Variants in GRIN2D observed in about 807,000 individuals in gnomAD.
GRIN2D encodes glutamate ionotropic receptor NMDA type subunit 2D.
In GRIN2D, 37 loss-of-function variants were observed where a neutral mutation model predicts 103.2. That is an observed-to-expected ratio of 0.36 (90% confidence interval 0.28 to 0.47). GRIN2D has a LOEUF of 0.47. Among genes scored for constraint, GRIN2D ranks in the 20% least tolerant of loss-of-function variants. The pLI is 1.00. For synonymous variants in GRIN2D, 845 were observed against 885.6 expected, an observed-to-expected ratio of 0.95 and a Z score of 0.81; for missense variants, 1,557 against 1,910.6, an observed-to-expected ratio of 0.81 and a Z score of 3.45.
Position 48,398,789 on chromosome 19 carries a change from C to A in GRIN2D, c.397C>A (p.Leu133Met). The change falls in exon 3 of 14, where the codon CTG becomes ATG. Residue 133 changes from leucine to methionine, a missense_variant. Physicochemically the swap from Leu to Met is conservative, Grantham distance 15. Transcript: ENST00000263269. ...APAVAPILDF[L>M]SAQTSLPIVA... ...CGCCGTCGCGCCCATCCTCGACTTC[C>A]TGTCGGCGCAGACCTCGCTGCCCAT... 1 of 1,459,602 alleles carries A rather than the reference C, an allele frequency of 6.9e-7. No homozygotes were observed. 90.4% of individuals were successfully genotyped at this position (1,459,602 alleles called of 1,614,324 possible).
chr19:48,395,855 A>AC (rs1970633474), intron 2 of GRIN2D, among the ~76,000 whole-genome samples: 1 of 151,678 alleles, frequency 6.6e-6, no homozygotes, highest in Non-Finnish European at 1.5e-5. Context: ...GGAGCTGGGG[A>AC]CCTGGACTCT....
chr19:48,404,859 C>T lies in GRIN2D; in HGVS notation c.591C>T (p.His197=). Residue 197 remains histidine (H), a synonymous_variant, in exon 4 of 14, where the codon CAC becomes CAT. Coordinates refer to ENST00000263269, the MANE Select transcript of GRIN2D (RefSeq NM_000836.4). ...FVAVTTRAPG[H]RAFLSYIEVL... ...CCGTGACCACTCGTGCCCCTGGCCACCGGGCCTTCCTGTCCTACATTGAGG... is the reference window on the plus strand; with the variant it reads ...CCGTGACCACTCGTGCCCCTGGCCATCGGGCCTTCCTGTCCTACATTGAGG... 1 of 1,614,224 alleles carries T rather than the reference C, an allele frequency of 6.2e-7. No homozygotes were observed. Among genetic ancestry groups the T allele is most frequent in the Middle Eastern group, 1.6e-4 (1 of 6,062 alleles).
intron 3 of GRIN2D, among the ~76,000 whole-genome samples, chr19:48,402,791 AG>A (rs1428562626): frequency 3.4e-5 from 5 of 148,964 alleles, no homozygotes; most frequent in African/African-American, 1.2e-4. Flanking sequence ...AGAGAGAGAG[AG>A]AGAGAGAGAG....
In GRIN2D at chr19:48,437,079, C is replaced by T. The variant is rs566319623; in HGVS notation, c.2253-4690C>T. 8.5e-5 allele frequency among the ~76,000 whole-genome samples: 13 copies of T among 152,274 alleles called. No homozygotes were observed. In the South Asian group the frequency reaches 2.7e-3, roughly 32 times the overall value. ...GGAATTTTAATTTTTCCCCAACCTA[C>T]ACCCAAACAAAGGCTGTAGGAAATG... On this transcript the variant is annotated intron_variant, in intron 11 of 13. Transcript: ENST00000263269.
chr19:48,395,305 C>T (rs1970625296), intron 2 of GRIN2D, among the ~76,000 whole-genome samples: 1 of 151,616 alleles, frequency 6.6e-6, no homozygotes. Flanking sequence ...CGGTCCTCTC[C>T]CTCTCTCCTC....
At chr19:48,425,531 C>T (rs1238042406) in intron 11 of GRIN2D, among the ~76,000 whole-genome samples, 1 of 152,200 alleles carries the variant, frequency 6.6e-6, no homozygotes, top group African/African-American at 2.4e-5. Flanking sequence ...CGTGAGCCAC[C>T]GTATCCAGCG....
chr19:48,409,274 C>CTTTTTT (rs67673123), intron 4 of GRIN2D, among the ~76,000 whole-genome samples: 11 of 103,702 alleles, frequency 1.1e-4, no homozygotes, highest in Non-Finnish European at 1.7e-4. Flanking sequence ...AATTAAATTT[C>CTTTTTT]TTTTTTTTTT....
intron 10 of GRIN2D, among the ~76,000 whole-genome samples, 157 bp downstream of exon 10, chr19:48,419,971 T>G: frequency 6.6e-6 from 1 of 150,942 alleles, no homozygotes. Flanking sequence ...AATTCCAGAA[T>G]GGTAGAATGG....
At chr19:48,402,791 A>T (rs1374026589) in intron 3 of GRIN2D, among the ~76,000 whole-genome samples, 1 of 148,888 alleles carries the variant, frequency 6.7e-6, no homozygotes, top group Non-Finnish European at 1.5e-5. Flanking sequence ...AGAGAGAGAG[A>T]GAGAGAGAGA....
chr19:48,426,224 C>CTTTCTTTTTTTTTTTTTTTTTTTTTTTT (rs1555893889), intron 11 of GRIN2D, among the ~76,000 whole-genome samples: 1 of 120,118 alleles, frequency 8.3e-6, no homozygotes, highest in African/African-American at 3.6e-5. Flanking sequence ...TTCTTTCTTT[C>CTTTCTTTTTTTTTTTTTTTTTTTTTTTT]TTTTTTTTTT....
chr19:48,424,952 C>T (rs1263479308), intron 11 of GRIN2D, among the ~76,000 whole-genome samples: 1 of 152,098 alleles, frequency 6.6e-6, no homozygotes, highest in African/African-American at 2.4e-5. Flanking sequence ...TCTCCCCCTT[C>T]CCCCTTCTTC....
Position 48,443,643 on chromosome 19 carries a change from G to A in GRIN2D, c.3717G>A (p.Ser1239=), listed in dbSNP as rs1181644087. Reference sequence around the variant, plus strand: ...CGCACCCGCACCGCCCGCGGGCCTCGCACCGCACGCCCGCCGCCGCCGCGC... The same window carrying A: ...CGCACCCGCACCGCCCGCGGGCCTCACACCGCACGCCCGCCGCCGCCGCGC... ...PRSHPHRPRA[S]HRTPAAAAPH... The change falls in exon 14 of 14, where the codon TCG becomes TCA. Residue 1239 remains serine, a synonymous_variant. Coordinates refer to ENST00000263269, the MANE Select transcript of GRIN2D (RefSeq NM_000836.4). The surrounding 1 kb of genome is among the most constrained non-coding windows in gnomAD (Gnocchi z 8.9). The A allele has an allele frequency of 2.7e-6, 3 of 1,105,026 alleles. No homozygotes were observed. Among genetic ancestry groups the A allele is most frequent in the Non-Finnish European group, 3.3e-6 (3 of 910,742 alleles). 68.5% of individuals were successfully genotyped at this position (1,105,026 alleles called of 1,614,324 possible).
Position 48,415,975 on chromosome 19 carries a change from GCCCACTCCTCATCGCC to G in GRIN2D, c.1582-21_1582-6del. On this transcript the variant is annotated splice_polypyrimidine_tract_variant and intron_variant, in intron 7 of 13. Transcript: ENST00000263269. ...CTGTCCGCTTGAGCCGGGTTCCCCC[GCCCACTCCTCATCGCC>G]CCCACCCCAGGTGTTCTACCAGCGC... 1 of 1,567,402 alleles carries G rather than the reference GCCCACTCCTCATCGCC, an allele frequency of 6.4e-7. No individual in the cohort carries two copies. Among genetic ancestry groups the G allele is most frequent in the South Asian group, 1.1e-5 (1 of 90,284 alleles).
chr19:48,415,195 A>G (rs1600979085), intron 7 of GRIN2D, among the ~76,000 whole-genome samples, 163 bp downstream of exon 7: 1 of 151,550 alleles, frequency 6.6e-6, no homozygotes, highest in Non-Finnish European at 1.5e-5. Context: ...AAACGGTGAA[A>G]CCCCGTCTCT....
At chr19:48,409,224 T>G (rs115834059) in intron 4 of GRIN2D, among the ~76,000 whole-genome samples, 2,839 of 151,668 alleles carry the variant, frequency 0.019, 94 homozygotes, top group African/African-American at 0.065. Flanking sequence ...TCTTAAAGTT[T>G]CCACCTCCTA....
chr19:48,398,354 C>A lies in GRIN2D; in HGVS notation c.-26-13C>A. ...TCCCTCTCCTCCCCGTCTCTCCCGGCCCGGGCGCTCAGAGGCCGCCCGGCG... is the reference window on the plus strand; with the variant it reads ...TCCCTCTCCTCCCCGTCTCTCCCGGACCGGGCGCTCAGAGGCCGCCCGGCG... On this transcript the variant is annotated splice_polypyrimidine_tract_variant and intron_variant, in intron 2 of 13. Coordinates refer to ENST00000263269, the MANE Select transcript of GRIN2D (RefSeq NM_000836.4). 1 of 1,078,366 alleles carries A rather than the reference C, an allele frequency of 9.3e-7. No homozygotes were observed. The highest frequency in any genetic ancestry group is 1.1e-6 in the Non-Finnish European group (1 of 884,262). 66.8% of individuals were successfully genotyped at this position (1,078,366 alleles called of 1,614,324 possible).
At position 48,405,865 on chromosome 19, in the gene GRIN2D, C is replaced by T. The variant is rs1324246793; in HGVS notation, c.1085+512C>T. ...TGATCATTCAGGGACCCAGGATTCTCCCACACTGTTACTCTGGCATCTCTG... is the reference window on the plus strand; with the variant it reads ...TGATCATTCAGGGACCCAGGATTCTTCCACACTGTTACTCTGGCATCTCTG... On this transcript the variant is annotated intron_variant, in intron 4 of 13. Transcript: ENST00000263269. The surrounding 1 kb of genome is among the most constrained non-coding windows in gnomAD (Gnocchi z 5.1). Among the ~76,000 whole-genome samples, 1 of 152,158 alleles carries T rather than the reference C, an allele frequency of 6.6e-6. No individual in the cohort carries two copies. Among genetic ancestry groups the T allele is most frequent in the Non-Finnish European group, 1.5e-5 (1 of 68,034 alleles).
intron 7 of GRIN2D, among the ~76,000 whole-genome samples, chr19:48,415,337 C>G (rs1970931890): frequency 6.6e-6 from 1 of 151,848 alleles, no homozygotes; most frequent in African/African-American, 2.4e-5. Context: ...CGCCACTGCA[C>G]TCCAGCCTGG....
intron 11 of GRIN2D, among the ~76,000 whole-genome samples, chr19:48,424,164 C>T (rs1971057277): frequency 6.7e-6 from 1 of 149,642 alleles, no homozygotes; most frequent in South Asian, 2.1e-4. Context: ...ACCTGTAATC[C>T]TAAAGCTTTG....
Sources: gnomAD v4.1 joint callset for allele counts (sites outside exome capture counted in the v4.1 genomes callset) on GRCh38, gnomAD v4.1.1 for gene constraint, Gnocchi (gnomAD v3.1) non-coding constraint, MANE v1.5 for transcripts, NCBI Gene and HGNC (gene_info 2026-07-23, HGNC 2026-07-21) for gene names.